DSE: variants seen among roughly 807,000 people sequenced by gnomAD.
DSE encodes the protein dermatan sulfate epimerase, also known as dermatan-sulfate epimerase.
In DSE, 36 loss-of-function variants were observed where a neutral mutation model predicts 84.4. That is an observed-to-expected ratio of 0.43 (90% CI 0.33 to 0.56). The LOEUF (loss-of-function observed/expected upper bound fraction) is 0.56, where lower values mean the gene tolerates loss of function less well. Ranked by LOEUF, DSE falls within the 20% of genes least tolerant of loss-of-function variation. The pLI, the probability that DSE is intolerant of heterozygous loss-of-function variation, is 0.06. For missense variants in DSE, 862 were observed against 1,169.6 expected, an observed-to-expected ratio of 0.74 and a Z score of 3.84; for synonymous variants, 410 against 430.1, an observed-to-expected ratio of 0.95 and a Z score of 0.58.
rs1784439727 is a variant in DSE at position 116,441,899 on chromosome 6, A to G, written c.*4554A>G. 6.6e-6 allele frequency: 1 copy of G among 152,214 alleles called. No homozygotes were observed. The highest frequency in any genetic ancestry group is 2.1e-4 in the South Asian group (1 of 4,832). The allele number at this position is 152,214 out of a possible 1,614,324, so 9.4% of individuals were successfully genotyped here. A position where few individuals can be genotyped will look rare whatever the true frequency, so the allele number is the denominator to read the frequency against. Reference sequence around the variant, plus strand: ...GAAGATATGGTAGAGAATAGGAATAATAAAAGCTGGCCCTTGTATAGTTTA... The same window carrying G: ...GAAGATATGGTAGAGAATAGGAATAGTAAAAGCTGGCCCTTGTATAGTTTA... On this transcript the variant is annotated 3_prime_UTR_variant, in exon 6 of 6. Coordinates refer to ENST00000644252, the MANE Select transcript of DSE (RefSeq NM_013352.4).
chr6:116,429,183 A>G (rs1439653347), intron 3 of DSE, among the ~76,000 whole-genome samples: 1 of 152,200 alleles, frequency 6.6e-6, no homozygotes, highest in Non-Finnish European at 1.5e-5. Flanking sequence ...CAGAATATTG[A>G]CATATCAGGT....
In DSE at chr6:116,441,677, T is replaced by C. The variant is rs1462791072; in HGVS notation, c.*4332T>C. ...GGCTTTATTGATGTCTCCACTTCCA[T>C]TCTCTGTGTCATTTTGAAAATCTAT... On this transcript the variant is annotated 3_prime_UTR_variant, in exon 6 of 6. Coordinates refer to ENST00000644252, the MANE Select transcript of DSE (RefSeq NM_013352.4). 6.6e-6 allele frequency: 1 copy of C among 152,218 alleles called. No individual in the cohort carries two copies. Among genetic ancestry groups the C allele is most frequent in the Non-Finnish European group, 1.5e-5 (1 of 68,038 alleles). 9.4% of individuals were successfully genotyped at this position (152,218 alleles called of 1,614,324 possible). A position where few individuals can be genotyped will look rare whatever the true frequency, so the allele number is the denominator to read the frequency against.
chr6:116,433,594 G>T (rs1198753451), intron 5 of DSE, 44 bp downstream of exon 5: 2 of 1,567,078 alleles, frequency 1.3e-6, no homozygotes, highest in Non-Finnish European at 1.7e-6. Context: ...GGTACCCAAG[G>T]GTACTATTCA....
At chr6:116,348,948 G>A (rs368209170) in intron 2 of DSE, among the ~76,000 whole-genome samples, 7 of 152,004 alleles carry the variant, frequency 4.6e-5, no homozygotes, top group Admixed American at 3.9e-4. Context: ...ACACAGGGTG[G>A]GGAACATCAC....
At chr6:116,363,967 G>C (rs1011194857) in intron 2 of DSE, among the ~76,000 whole-genome samples, 1 of 152,174 alleles carries the variant, frequency 6.6e-6, no homozygotes, top group Non-Finnish European at 1.5e-5. Context: ...GTGAGAAAAA[G>C]AAAATCTGGC....
rs143011121 is a variant in DSE at position 116,342,545 on chromosome 6, C to G, written c.-53-56653C>G. Among the ~76,000 whole-genome samples the G allele has an allele frequency of 3.6e-3, 550 of 152,298 alleles. 7 individuals carry two copies. The highest frequency in any genetic ancestry group is 0.012 in the African/African-American group (510 of 41,562). Reference sequence around the variant, plus strand: ...CTACCCGCCTCAGCCTCCCAAAGTGCTGGGATTACAGGCATGAGCCACCGC... The same window carrying G: ...CTACCCGCCTCAGCCTCCCAAAGTGGTGGGATTACAGGCATGAGCCACCGC... On this transcript the variant is annotated intron_variant, in intron 2 of 3. Coordinates refer to the DSE transcript ENST00000430252.
rs190808216 is a variant in DSE, at chr6:116,300,090, T to C, written c.-54+41123T>C. On this transcript the variant is annotated intron_variant, in intron 2 of 3. Coordinates refer to the DSE transcript ENST00000430252. ...TCAACTTTTCTTAGGAAGATGTATATAGTAGTAAGAGAATAAAGAAAAGAC... is the reference window on the plus strand; with the variant it reads ...TCAACTTTTCTTAGGAAGATGTATACAGTAGTAAGAGAATAAAGAAAAGAC... 2.5e-4 allele frequency among the ~76,000 whole-genome samples: 38 copies of C among 152,278 alleles called. 1 individual carries two copies. The East Asian group carries it at 6.9e-3, about 28-fold the overall frequency.
At chr6:116,278,000 CT>C (rs1299481322) in intron 2 of DSE, 2 of 153,230 alleles carry the variant, frequency 1.3e-5, no homozygotes, top group African/African-American at 4.9e-5. Context: ...TAGAAAGTGA[CT>C]AGAGGTGAAG....
At chr6:116,346,979 GACAA>G (rs1463216487) in intron 2 of DSE, among the ~76,000 whole-genome samples, 18 of 152,026 alleles carry the variant, frequency 1.2e-4, no homozygotes, top group African/African-American at 4.3e-4. Flanking sequence ...ACCAATAACA[GACAA>G]ACAGAGAGCA....
chr6:116,372,721 G>C (rs1428042166), intron 1 of DSE, among the ~76,000 whole-genome samples: 1 of 152,160 alleles, frequency 6.6e-6, no homozygotes, highest in Non-Finnish European at 1.5e-5. Context: ...AGTAAAAATG[G>C]AGAAGATAAC....
At chr6:116,412,394 C>G (rs1782432697) in intron 2 of DSE, 1 of 152,280 alleles carries the variant, frequency 6.6e-6, no homozygotes, top group African/African-American at 2.4e-5. Flanking sequence ...CTTCTCTGAT[C>G]TCCTGGGTTC....
chr6:116,398,720 G>C (rs139712885), intron 1 of DSE, among the ~76,000 whole-genome samples: 40 of 152,320 alleles, frequency 2.6e-4, no homozygotes, highest in African/African-American at 9.4e-4. Flanking sequence ...CCCTGGTTCA[G>C]AAATGTTAGG....
chr6:116,356,041 CA>C (rs1367838814), intron 2 of DSE, among the ~76,000 whole-genome samples: 1 of 152,182 alleles, frequency 6.6e-6, no homozygotes, highest in Non-Finnish European at 1.5e-5. Context: ...TTATTCAACC[CA>C]CCCCTGAATG....
rs1780661044 is a variant in DSE at position 116,387,816 on chromosome 6, A to G, written c.-53-11382A>G. 2.0e-5 allele frequency among the ~76,000 whole-genome samples: 3 copies of G among 152,312 alleles called. No homozygotes were observed. In the South Asian group the frequency reaches 6.2e-4, roughly 32 times the overall value. ...AAAAATTTTCTGGGAAAAAAGCATA[A>G]GAAGGATTTTCCACAGAGGTATTAA... On this transcript the variant is annotated intron_variant, in intron 1 of 5. Transcript: ENST00000644252.
chr6:116,368,216 T>C (rs1431464469), upstream of DSE, among the ~76,000 whole-genome samples: 2 of 152,186 alleles, frequency 1.3e-5, no homozygotes, highest in Non-Finnish European at 2.9e-5. Context: ...AAGTGCCACG[T>C]ACCCATGTAC....
chr6:116,431,267 T>G, intron 4 of DSE, 74 bp downstream of exon 4: 1 of 1,554,670 alleles, frequency 6.4e-7, no homozygotes, highest in South Asian at 1.2e-5. Context: ...TGAGCTAGAC[T>G]AGGCAGAGAA....
chr6:116,274,871 T>C (rs1214102241), intron 2 of DSE, among the ~76,000 whole-genome samples: 1 of 152,214 alleles, frequency 6.6e-6, no homozygotes, highest in African/African-American at 2.4e-5. Context: ...AGTATTAACA[T>C]GTTTAATTTT....
At chr6:116,419,638 G>T (rs1375837290) in intron 2 of DSE, among the ~76,000 whole-genome samples, 1 of 152,228 alleles carries the variant, frequency 6.6e-6, no homozygotes, top group Non-Finnish European at 1.5e-5. Context: ...TGGGAAGCTG[G>T]TGGTGCACTA....
At chr6:116,318,506 G>GA (rs370005829) in intron 2 of DSE, among the ~76,000 whole-genome samples, 292 of 74,568 alleles carry the variant, frequency 3.9e-3, no homozygotes, top group African/African-American at 0.014. Flanking sequence ...CATCTCAAAA[G>GA]AAAAAAAAAA....
Sources: gnomAD v4.1 joint callset for allele counts (sites outside exome capture counted in the v4.1 genomes callset) on GRCh38, gnomAD v4.1.1 for gene constraint, MANE v1.5 for transcripts, NCBI Gene and HGNC (gene_info 2026-07-23, HGNC 2026-07-21) for gene names.